Variants in NPAT observed in about 807,000 individuals in gnomAD.
The protein encoded by NPAT is protein NPAT.
In NPAT, 52 loss-of-function variants were observed where a neutral mutation model predicts 130.7. That is an observed-to-expected ratio of 0.40 (90% CI 0.32 to 0.50). The LOEUF is 0.50. NPAT is among the 20% of genes least tolerant of loss of function. The pLI is 0.68. For synonymous variants in NPAT, 580 were observed against 584.8 expected (o/e 0.99, Z 0.12); for missense variants, 1,687 against 1,662.6 (o/e 1.01, Z -0.26).
chr11:108,214,631 ATTTT>A (rs575646719), intron 1 of NPAT, among the ~76,000 whole-genome samples: 1 of 140,390 alleles, frequency 7.1e-6, no homozygotes, highest in Non-Finnish European at 1.6e-5. Context: ...TATGATTCCA[ATTTT>A]TTTTTTTTTT....
chr11:108,201,836 A>G (rs2078277754), intron 1 of NPAT, among the ~76,000 whole-genome samples: 1 of 152,232 alleles, frequency 6.6e-6, no homozygotes, highest in Non-Finnish European at 1.5e-5. Flanking sequence ...CTCCCAGAGA[A>G]AGCTGGGGAG....
intron 1 of NPAT, 75 bp from the exon 2 acceptor site, chr11:108,197,495 G>A: frequency 1.0e-6 from 1 of 953,162 alleles, no homozygotes; most frequent in Non-Finnish European, 1.7e-6. Flanking sequence ...TGAAAATGCT[G>A]TAGCATGTAC....
At chr11:108,196,056 CT>C (rs1413177891) in intron 2 of NPAT, among the ~76,000 whole-genome samples, 1 of 152,188 alleles carries the variant, frequency 6.6e-6, no homozygotes, top group Admixed American at 6.5e-5. Context: ...TCAAATCCAA[CT>C]TTGCACAATT....
intron 15 of NPAT, among the ~76,000 whole-genome samples, chr11:108,167,275 A>G (rs926162956): frequency 6.6e-6 from 1 of 152,202 alleles, no homozygotes; most frequent in Non-Finnish European, 1.5e-5. Flanking sequence ...CAGTGGCATG[A>G]TCATGGCTTA....
At chr11:108,171,901 A>G (rs1256199165) in intron 13 of NPAT, 2 of 342,792 alleles carry the variant, frequency 5.8e-6, no homozygotes, top group East Asian at 5.6e-5. Context: ...GTTTTATACA[A>G]CTATGTGATG....
chr11:108,221,264 G>A (rs2078490235), intron 1 of NPAT, among the ~76,000 whole-genome samples: 1 of 152,108 alleles, frequency 6.6e-6, no homozygotes, highest in African/African-American at 2.4e-5. Flanking sequence ...ATCCTACAAT[G>A]TTTGAGCACA....
chr11:108,168,706 G>A (rs1008933066), intron 15 of NPAT, among the ~76,000 whole-genome samples: 3 of 152,146 alleles, frequency 2.0e-5, no homozygotes, highest in African/African-American at 4.8e-5. Flanking sequence ...AGTTAATTTC[G>A]AAGGATAAAT....
chr11:108,220,125 A>C (rs1006385261), intron 1 of NPAT, among the ~76,000 whole-genome samples: 1 of 152,268 alleles, frequency 6.6e-6, no homozygotes, highest in Non-Finnish European at 1.5e-5. Flanking sequence ...CCTTGAATAA[A>C]TAGATAAAAA....
intron 1 of NPAT, among the ~76,000 whole-genome samples, chr11:108,211,900 T>C (rs1433595183): frequency 6.6e-6 from 1 of 152,014 alleles, no homozygotes; most frequent in Non-Finnish European, 1.5e-5. Context: ...CAGTGGGCCA[T>C]AATCATGCCA....
Position 108,189,302 on chromosome 11 carries a change from G to C in NPAT, c.360C>G (p.Ile120Met). 1 of 1,614,164 alleles carries C rather than the reference G, an allele frequency of 6.2e-7. No homozygotes were observed. Among genetic ancestry groups the C allele is most frequent in the Non-Finnish European group, 8.5e-7 (1 of 1,180,030 alleles). ...GAGATGCAAGCTTTCTCTGCCGTTT[G>C]ATTTCTGCAATTCCAGTTCTCGTTC... ...RARTRTGIAEIKRQRKLASQT... is the reference protein window; with the variant it reads ...RARTRTGIAEMKRQRKLASQT... Residue 120 changes from isoleucine to methionine, a missense_variant, in exon 6 of 18, where the codon ATC becomes ATG. Transcript: ENST00000278612.
Position 108,173,138 on chromosome 11 carries a change from T to G in NPAT, c.1846A>C (p.Asn616His), listed in dbSNP as rs2077970818. 14 of 1,613,926 alleles carry G rather than the reference T, an allele frequency of 8.7e-6. No individual in the cohort carries two copies. Among genetic ancestry groups the G allele is most frequent in the Non-Finnish European group, 1.2e-5 (14 of 1,179,912 alleles). ...LPVSVESSHLNVSGQVEIHLG... is the reference protein window; with the variant it reads ...LPVSVESSHLHVSGQVEIHLG... Reference sequence around the variant, plus strand: ...TGAATTTCTACTTGTCCAGATACATTTAAATGTGAACTTTCAACAGACACA... The same window carrying G: ...TGAATTTCTACTTGTCCAGATACATGTAAATGTGAACTTTCAACAGACACA... Residue 616 changes from asparagine to histidine, a missense_variant, in exon 13 of 18, where the codon AAT becomes CAT. By Grantham distance (68) the Asn-to-His change is moderately conservative. This residue lies in a region of NPAT where 1,379 missense variants were observed against 1,346.6 expected (regional missense o/e 1.02). Coordinates refer to ENST00000278612, the MANE Select transcript of NPAT (RefSeq NM_002519.3).
chr11:108,184,324 T>C (rs1009181120), intron 10 of NPAT, among the ~76,000 whole-genome samples: 16 of 151,742 alleles, frequency 1.1e-4, no homozygotes, highest in African/African-American at 3.9e-4. Context: ...ACAAAAAAAT[T>C]AGCCGGGCAT....
rs1369535768 is a variant in NPAT at position 108,173,930 on chromosome 11, T to C, written c.1133-79A>G. On this transcript the variant is annotated intron_variant, in intron 12 of 17. Transcript: ENST00000278612. Reference sequence around the variant, plus strand: ...GTAGTCATTTTTGCCATAAAACTTATTTTGCCAAGAAAATAACTCATCTTT... The same window carrying C: ...GTAGTCATTTTTGCCATAAAACTTACTTTGCCAAGAAAATAACTCATCTTT... The C allele has an allele frequency of 5.5e-6, 7 of 1,279,518 alleles. No homozygotes were observed. In the East Asian group the frequency reaches 7.0e-5, roughly 13 times the overall value. 79.3% of individuals were successfully genotyped at this position (1,279,518 alleles called of 1,614,324 possible).
rs1468798257 is a variant in NPAT at position 108,158,267 on chromosome 11, C to A, written c.*675G>T. The A allele has an allele frequency of 2.6e-5, 4 of 152,292 alleles. No homozygotes were observed. The highest frequency in any genetic ancestry group is 4.4e-5 in the Non-Finnish European group (3 of 67,884). The allele number at this position is 152,292 out of a possible 1,614,324, so 9.4% of individuals were successfully genotyped here. A position where few individuals can be genotyped will look rare whatever the true frequency, so the allele number is the denominator to read the frequency against. ...GTTATAAATGAAAGATCAGAACATT[C>A]AATAAATGGTTTACAAAATTCTCTC... On this transcript the variant is annotated 3_prime_UTR_variant, in exon 18 of 18. Transcript: ENST00000278612.
intron 10 of NPAT, among the ~76,000 whole-genome samples, chr11:108,183,544 G>C (rs969067068): frequency 1.3e-5 from 2 of 152,156 alleles, no homozygotes; most frequent in African/African-American, 4.8e-5. Context: ...GCTCATGCCT[G>C]TAATCCCAGC....
At chr11:108,176,816 A>C (rs557253699) in intron 11 of NPAT, among the ~76,000 whole-genome samples, 178 bp downstream of exon 11, 1 of 152,376 alleles carries the variant, frequency 6.6e-6, no homozygotes, top group South Asian at 2.1e-4. Context: ...TAACAGCTAA[A>C]GTTTCTCAGC....
intron 15 of NPAT, among the ~76,000 whole-genome samples, chr11:108,163,696 A>G (rs370586305): frequency 7.9e-5 from 12 of 152,340 alleles, no homozygotes; most frequent in African/African-American, 2.9e-4. Flanking sequence ...GCAAGGGTGG[A>G]GAATAGTTTA....
chr11:108,209,935 C>T (rs1230170107), intron 1 of NPAT, among the ~76,000 whole-genome samples: 1 of 145,074 alleles, frequency 6.9e-6, no homozygotes, highest in Admixed American at 6.9e-5. Context: ...CATCATCTAC[C>T]TTAAGAAACT....
At chr11:108,168,857 C>T (rs934348617) in intron 15 of NPAT, among the ~76,000 whole-genome samples, 2 of 152,046 alleles carry the variant, frequency 1.3e-5, no homozygotes, top group African/African-American at 4.8e-5. Context: ...AGGGTCCATG[C>T]TGGGAAGTGG....
Sources: gnomAD v4.1 joint callset for allele counts (sites outside exome capture counted in the v4.1 genomes callset) on GRCh38, gnomAD v4.1.1 for gene constraint, gnomAD v4.1.1 regional missense constraint, MANE v1.5 for transcripts, NCBI Gene and HGNC (gene_info 2026-07-23, HGNC 2026-07-21) for gene names.